The following NEDD4L variants were observed in gnomAD, a reference collection of about 807,000 sequenced individuals.
NEDD4L encodes the protein NEDD4 like E3 ubiquitin protein ligase.
Under a neutral mutation model 148.9 loss-of-function variants are expected in NEDD4L, and 54 were observed. The observed-to-expected ratio is 0.36, with a 90% CI of 0.29 to 0.45. The LOEUF (loss-of-function observed/expected upper bound fraction) is 0.45. Ranked by LOEUF, NEDD4L falls within the 20% of genes least tolerant of loss-of-function variation. The pLI is 1.00. For missense variants in NEDD4L, 856 were observed against 1,233.8 expected, an observed-to-expected ratio of 0.69 and a Z score of 4.59; for synonymous variants, 433 against 440.7, an observed-to-expected ratio of 0.98 and a Z score of 0.22.
chr18:58,311,621 G>A (rs770644803), intron 5 of NEDD4L, among the ~76,000 whole-genome samples: 2 of 152,204 alleles, frequency 1.3e-5, no homozygotes, highest in Non-Finnish European at 2.9e-5. Context: ...AAAGGAATAG[G>A]GTGGGGTGGT....
rs1294668898 is a variant in NEDD4L, at chr18:58,256,426, TG to T, written c.297+4374del. 1 of 1,232,168 alleles carries T rather than the reference TG, an allele frequency of 8.1e-7. No homozygotes were observed. The highest frequency in any genetic ancestry group is 1.0e-6 in the Non-Finnish European group (1 of 988,082). 76.3% of individuals were successfully genotyped at this position (1,232,168 alleles called of 1,614,324 possible). A position where few individuals can be genotyped will look rare whatever the true frequency, so the allele number is the denominator to read the frequency against. Reference sequence around the variant, plus strand: ...CGGGGCCAGGCAGCGACCTCAACTTTGGCTTCACGGGCACAAAGGGGGACAG... The same window carrying T: ...CGGGGCCAGGCAGCGACCTCAACTTTGCTTCACGGGCACAAAGGGGGACAG... On this transcript the variant is annotated intron_variant, in intron 5 of 30. Transcript: ENST00000400345. This position sits in a 1 kb window ranked among gnomAD's most constrained non-coding sequence, Gnocchi z 5.2.
At chr18:58,134,123 C>T (rs2146012823) in intron 1 of NEDD4L, among the ~76,000 whole-genome samples, 1 of 152,162 alleles carries the variant, frequency 6.6e-6, no homozygotes, top group East Asian at 1.9e-4. Context: ...GCCTCAGCCT[C>T]TTGAGTAGCT....
At chr18:58,128,918 A>G (rs1365356322) in intron 1 of NEDD4L, among the ~76,000 whole-genome samples, 1 of 152,216 alleles carries the variant, frequency 6.6e-6, no homozygotes, top group Non-Finnish European at 1.5e-5. Flanking sequence ...TGCTGAGCAC[A>G]TCAAATACAG....
At chr18:58,226,500 G>A (rs2044369489) in intron 2 of NEDD4L, among the ~76,000 whole-genome samples, 1 of 152,110 alleles carries the variant, frequency 6.6e-6, no homozygotes, top group Admixed American at 6.5e-5. Flanking sequence ...ATACTGAGGG[G>A]GAGGGACGAA....
In NEDD4L at chr18:58,366,130, G is replaced by A. The variant is rs2046080182; in HGVS notation, c.1965G>A (p.Glu655=). Residue 655 remains glutamate (E), a synonymous_variant, in exon 21 of 31, where the codon GAG becomes GAA. Transcript: ENST00000400345. The surrounding 1 kb of genome is among the most constrained non-coding windows in gnomAD (Gnocchi z 4.2). ...GACTGTGGATTGAGTTTGAATCAGAGAAAGGTCTTGACTATGGGGGTGTGG... is the reference window on the plus strand; with the variant it reads ...GACTGTGGATTGAGTTTGAATCAGAAAAAGGTCTTGACTATGGGGGTGTGG... The part of the protein sequence containing the change: ...KARLWIEFES[E]KGLDYGGVAR... 6.2e-7 allele frequency: 1 copy of A among 1,613,714 alleles called. No individual in the cohort carries two copies. Among genetic ancestry groups the A allele is most frequent in the Non-Finnish European group, 8.5e-7 (1 of 1,179,800 alleles).
intron 2 of NEDD4L, among the ~76,000 whole-genome samples, chr18:58,214,602 T>TC (rs113961710): frequency 0.47 from 67,062 of 143,226 alleles, 16,572 homozygotes; most frequent in African/African-American, 0.68. Context: ...CATTAGCTGC[T>TC]CGGTTTGTGT....
At chr18:58,104,911 C>T (rs1237945896) in intron 1 of NEDD4L, among the ~76,000 whole-genome samples, 2 of 140,450 alleles carry the variant, frequency 1.4e-5, no homozygotes, top group Non-Finnish European at 3.1e-5. Context: ...CACGTTGTTG[C>T]AGGGAGGATT....
intron 16 of NEDD4L, among the ~76,000 whole-genome samples, chr18:58,344,718 T>TA (rs2042832650): frequency 8.8e-6 from 1 of 113,440 alleles, no homozygotes. Context: ...GTAATGGAGT[T>TA]CTTTTTTTTT....
intron 13 of NEDD4L, among the ~76,000 whole-genome samples, chr18:58,338,256 T>G (rs1249906463): frequency 2.0e-5 from 3 of 152,270 alleles, no homozygotes; most frequent in Non-Finnish European, 4.4e-5. Context: ...ACTTTTTTGT[T>G]AAGCTAGGGT....
At chr18:58,109,097 A>G (rs775340670) in intron 1 of NEDD4L, among the ~76,000 whole-genome samples, 1 of 152,252 alleles carries the variant, frequency 6.6e-6, no homozygotes, top group Non-Finnish European at 1.5e-5. Flanking sequence ...ATTTGGATCA[A>G]TTCTTTCATG....
chr18:58,190,144 T>C (rs904299230), intron 2 of NEDD4L, among the ~76,000 whole-genome samples: 1 of 152,262 alleles, frequency 6.6e-6, no homozygotes, highest in African/African-American at 2.4e-5. Context: ...TAACATATTG[T>C]TCAAAGTATC....
At chr18:58,296,316 G>C (rs558175921) in intron 5 of NEDD4L, among the ~76,000 whole-genome samples, 33 of 152,192 alleles carry the variant, frequency 2.2e-4, no homozygotes, top group Non-Finnish European at 4.6e-4. Context: ...TCCTAAAGCA[G>C]GCTTTGGAGC....
At chr18:58,361,623 G>T (rs183936456) in intron 19 of NEDD4L, among the ~76,000 whole-genome samples, 1 of 152,250 alleles carries the variant, frequency 6.6e-6, no homozygotes, top group African/African-American at 2.4e-5. Flanking sequence ...TGATGTCCCC[G>T]TGCCGGGCAT....
intron 2 of NEDD4L, among the ~76,000 whole-genome samples, chr18:58,231,267 A>G (rs2045192719): frequency 6.7e-6 from 1 of 149,562 alleles, no homozygotes; most frequent in African/African-American, 2.5e-5. Context: ...AAAAGAACAG[A>G]AAAGGAACAA....
chr18:58,148,275 C>T (rs560425957), intron 1 of NEDD4L, among the ~76,000 whole-genome samples: 11 of 151,780 alleles, frequency 7.2e-5, no homozygotes, highest in African/African-American at 2.2e-4. Context: ...GAGCAGTTCT[C>T]CTGCCTCAGC....
intron 2 of NEDD4L, chr18:58,221,614 G>T: frequency 1.0e-6 from 1 of 985,454 alleles, no homozygotes; most frequent in South Asian, 4.7e-5. Context: ...ATCAGCAGAG[G>T]TGTGTACGGG....
intron 2 of NEDD4L, among the ~76,000 whole-genome samples, chr18:58,185,529 A>C (rs2039368331): frequency 6.6e-6 from 1 of 152,220 alleles, no homozygotes; most frequent in African/African-American, 2.4e-5. Flanking sequence ...CTATCATTGG[A>C]GGGCAATTAA....
chr18:58,353,809 A>G (rs1382226724), intron 18 of NEDD4L, among the ~76,000 whole-genome samples: 3 of 152,246 alleles, frequency 2.0e-5, no homozygotes, highest in Non-Finnish European at 4.4e-5. Flanking sequence ...CCTACAGGAC[A>G]GGAACCAGGT....
At chr18:58,133,927 G>A (rs765395891) in intron 1 of NEDD4L, among the ~76,000 whole-genome samples, 5 of 152,148 alleles carry the variant, frequency 3.3e-5, no homozygotes, top group South Asian at 2.1e-4. Flanking sequence ...GGAGATAGAC[G>A]TTACTTTATG....
Sources: allele counts gnomAD v4.1 joint callset (sites outside exome capture counted in the v4.1 genomes callset), GRCh38; gene constraint gnomAD v4.1.1; non-coding constraint Gnocchi (gnomAD v3.1); transcripts MANE v1.5; gene names NCBI Gene and HGNC (gene_info 2026-07-23, HGNC 2026-07-21).